The following GNG7 variants were observed in gnomAD, a reference collection of about 807,000 sequenced individuals.
The protein encoded by GNG7 is G protein subunit gamma 7.
Under a neutral mutation model 4.0 loss-of-function variants are expected in GNG7, and 1 was observed. That is an observed-to-expected ratio of 0.25 (90% CI 0.09 to 1.18). The LOEUF (loss-of-function observed/expected upper bound fraction) is 1.18, where lower values mean the gene tolerates loss of function less well. Among genes scored for constraint, GNG7 ranks in the 50% most tolerant of loss-of-function variants. The probability of loss-of-function intolerance (pLI) is 0.50; values close to 1 mark genes in which losing one functional copy is unlikely to be tolerated. For missense variants in GNG7, 86 were observed against 91.9 expected, an observed-to-expected ratio of 0.94 and a Z score of 0.26; for synonymous variants, 34 against 36.9, an observed-to-expected ratio of 0.92 and a Z score of 0.29.
chr19:2,657,294 A>G (rs376787296), intron 1 of GNG7, among the ~76,000 whole-genome samples: 3 of 138,628 alleles, frequency 2.2e-5, no homozygotes, highest in South Asian at 2.3e-4. Flanking sequence ...AAATGGTGCC[A>G]CTGCACTTCA....
chr19:2,645,944 G>A lies in GNG7; in HGVS notation c.-78+280C>T, dbSNP rs115081794. 6.0e-3 allele frequency among the ~76,000 whole-genome samples: 911 copies of A among 152,202 alleles called. 14 individuals are homozygous for A. The highest frequency in any genetic ancestry group is 0.021 in the African/African-American group (863 of 41,520). Reference sequence around the variant, plus strand: ...AGACACCGGAAAGGCATGCAGCACCGCTGTGGGCTTCCCACCCTGACCCCA... The same window carrying A: ...AGACACCGGAAAGGCATGCAGCACCACTGTGGGCTTCCCACCCTGACCCCA... On this transcript the variant is annotated intron_variant, in intron 2 of 4. Transcript: ENST00000382159.
At chr19:2,699,905 G>T in intron 1 of GNG7, among the ~76,000 whole-genome samples, 1 of 152,170 alleles carries the variant, frequency 6.6e-6, no homozygotes, top group East Asian at 1.9e-4. Context: ...TCCTTACGGG[G>T]TGCCCCTAAT....
At chr19:2,537,310 A>G (rs1002180901) in intron 3 of GNG7, among the ~76,000 whole-genome samples, 1 of 151,890 alleles carries the variant, frequency 6.6e-6, no homozygotes, top group East Asian at 1.9e-4. Flanking sequence ...CAGTGGTGCA[A>G]TCATAGCTCA....
intron 2 of GNG7, among the ~76,000 whole-genome samples, chr19:2,597,466 G>A (rs1229047714): frequency 4.6e-5 from 7 of 151,720 alleles, no homozygotes; most frequent in South Asian, 2.1e-4. Context: ...GCGTGGTGGC[G>A]GGCACCTGTA....
intron 1 of GNG7, among the ~76,000 whole-genome samples, chr19:2,692,187 A>C (rs1463854443): frequency 6.6e-6 from 1 of 151,668 alleles, no homozygotes; most frequent in East Asian, 1.9e-4. Context: ...AGGCCAGCGA[A>C]GTCCAGGCCT....
At chr19:2,666,809 T>C (rs1181606852) in intron 1 of GNG7, among the ~76,000 whole-genome samples, 1 of 152,246 alleles carries the variant, frequency 6.6e-6, no homozygotes, top group Non-Finnish European at 1.5e-5. Context: ...ACTTTATTTA[T>C]AGTAACAGGT....
intron 2 of GNG7, among the ~76,000 whole-genome samples, chr19:2,581,661 G>A (rs111794868): frequency 5.6e-4 from 86 of 152,338 alleles, no homozygotes; most frequent in African/African-American, 2.0e-3. Flanking sequence ...TGAGGACACT[G>A]TGACATGTTC....
At chr19:2,547,251 G>A (rs1476207061) in intron 3 of GNG7, among the ~76,000 whole-genome samples, 2 of 152,028 alleles carry the variant, frequency 1.3e-5, no homozygotes, top group Non-Finnish European at 2.9e-5. Flanking sequence ...TGCTGCACAC[G>A]ACCCATGTTT....
At chr19:2,582,101 C>A (rs1980520747) in intron 2 of GNG7, among the ~76,000 whole-genome samples, 1 of 152,106 alleles carries the variant, frequency 6.6e-6, no homozygotes, top group Non-Finnish European at 1.5e-5. Flanking sequence ...TAAAAGTGAA[C>A]AAACCAGCTT....
In GNG7 at chr19:2,532,777, T is replaced by G. The variant is rs1271011870; in HGVS notation, c.-37-12052A>C. On this transcript the variant is annotated intron_variant, in intron 3 of 4. Transcript: ENST00000382159. ...TCTCAACCACTAGAGTGGCAAAAAT[T>G]TAAAAGACTGACAACACTAAATATT... Among the ~76,000 whole-genome samples the G allele has an allele frequency of 1.1e-4, 16 of 152,050 alleles. 1 individual carries two copies. The highest frequency in any genetic ancestry group is 4.4e-5 in the Non-Finnish European group (3 of 68,016).
rs1451636073 is a variant in GNG7 at position 2,661,286 on chromosome 19, GAAA to G, written c.-134-15009_-134-15007del. Among the ~76,000 whole-genome samples, 89 of 37,286 alleles carry G rather than the reference GAAA, an allele frequency of 2.4e-3. 1 individual carries two copies. In the East Asian group the frequency reaches 0.048, roughly 20 times the overall value. 24.5% of individuals were successfully genotyped at this position (37,286 alleles called of 152,430 possible). A position where few individuals can be genotyped will look rare whatever the true frequency, so the allele number is the denominator to read the frequency against. On this transcript the variant is annotated intron_variant, in intron 1 of 4. Coordinates refer to ENST00000382159, the MANE Select transcript of GNG7 (RefSeq NM_052847.3). ...GAAAGAAAGAAAAGAAAGAAAGAAA[GAAA>G]GAAAGAAAGAAAGAGAAAGAAAGAA...
intron 2 of GNG7, among the ~76,000 whole-genome samples, chr19:2,596,332 C>T (rs1004581704): frequency 6.6e-6 from 1 of 151,388 alleles, no homozygotes; most frequent in South Asian, 2.1e-4. Flanking sequence ...GCACTGCAGC[C>T]TGGGCGACAG....
intron 1 of GNG7, among the ~76,000 whole-genome samples, chr19:2,690,802 C>T (rs1358786332): frequency 6.6e-6 from 1 of 152,118 alleles, no homozygotes. Context: ...CCATGTTGGC[C>T]AGGCTGGTCT....
intron 1 of GNG7, among the ~76,000 whole-genome samples, chr19:2,657,361 A>AAATATAT (rs1555701153): frequency 2.5e-4 from 4 of 16,314 alleles, no homozygotes; most frequent in South Asian, 2.7e-3. Context: ...AAAAAAAAAA[A>AAATATAT]ATATATATAT....
At chr19:2,675,026 A>G (rs1219018560) in intron 1 of GNG7, among the ~76,000 whole-genome samples, 1 of 152,210 alleles carries the variant, frequency 6.6e-6, no homozygotes, top group Non-Finnish European at 1.5e-5. Context: ...AGACTAGAAT[A>G]GATAAAAATC....
intron 1 of GNG7, among the ~76,000 whole-genome samples, chr19:2,657,399 T>TATATATATATATATACATACAC: frequency 1.2e-5 from 1 of 80,748 alleles, no homozygotes; most frequent in Non-Finnish European, 2.3e-5. Context: ...TATATATATA[T>TATATATATATATATACATACAC]ACACATAATA....
At chr19:2,612,113 T>C (rs1292974686) in intron 2 of GNG7, among the ~76,000 whole-genome samples, 1 of 152,102 alleles carries the variant, frequency 6.6e-6, no homozygotes, top group Non-Finnish European at 1.5e-5. Flanking sequence ...AACCTCGTGA[T>C]CCGCCTACCC....
chr19:2,626,125 G>A lies in GNG7; in HGVS notation c.-78+20099C>T, dbSNP rs950045201. Among the ~76,000 whole-genome samples the A allele has an allele frequency of 6.6e-6, 1 of 152,136 alleles. No homozygotes were observed. Among genetic ancestry groups the A allele is most frequent in the Non-Finnish European group, 1.5e-5 (1 of 68,014 alleles). On this transcript the variant is annotated intron_variant, in intron 2 of 4. Coordinates refer to ENST00000382159, the MANE Select transcript of GNG7 (RefSeq NM_052847.3). The surrounding 1 kb of genome is among the most constrained non-coding windows in gnomAD (Gnocchi z 5.0). The stretch of plus-strand genomic sequence containing the variant: ...TTACTCCCTGCAGCAACCCTGGACT[G>A]CAGGGGTGGTGATCACCCCCCATTT...
chr19:2,615,986 G>A (rs1356945543), intron 2 of GNG7, among the ~76,000 whole-genome samples: 1 of 152,212 alleles, frequency 6.6e-6, no homozygotes, highest in Admixed American at 6.5e-5. Context: ...CTGGTGACCT[G>A]GAACAGACTC....
Sources: gnomAD v4.1 joint callset for allele counts (sites outside exome capture counted in the v4.1 genomes callset) on GRCh38, gnomAD v4.1.1 for gene constraint, Gnocchi (gnomAD v3.1) non-coding constraint, MANE v1.5 for transcripts, NCBI Gene and HGNC (gene_info 2026-07-23, HGNC 2026-07-21) for gene names.